The following BBX variants were observed in gnomAD, a reference collection of about 807,000 sequenced individuals.
BBX encodes the protein HMG box transcription factor BBX.
A neutral mutation model predicts 100.2 loss-of-function variants in BBX; 30 were observed. The ratio of observed to expected loss-of-function variants is 0.30; its 90% CI spans 0.22 to 0.41. The LOEUF (loss-of-function observed/expected upper bound fraction) is 0.41, where lower values mean the gene tolerates loss of function less well. Among genes scored for constraint, BBX ranks in the 10% least tolerant of loss-of-function variants. BBX has a pLI of 1.00. For synonymous variants in BBX, 376 were observed against 388.1 expected, an observed-to-expected ratio of 0.97 and a Z score of 0.37; for missense variants, 1,023 against 1,129.8, an observed-to-expected ratio of 0.91 and a Z score of 1.35.
chr3:107,652,554 T>G (rs985474847), intron 3 of BBX, among the ~76,000 whole-genome samples: 1 of 152,228 alleles, frequency 6.6e-6, no homozygotes, highest in Non-Finnish European at 1.5e-5. Flanking sequence ...ACCTGTGTAT[T>G]TCTTCTTAAC....
chr3:107,683,939 G>A (rs2059705066), intron 3 of BBX, among the ~76,000 whole-genome samples: 1 of 152,078 alleles, frequency 6.6e-6, no homozygotes, highest in Non-Finnish European at 1.5e-5. Context: ...TTGTGGTAAT[G>A]GTAACTTCTA....
intron 2 of BBX, among the ~76,000 whole-genome samples, chr3:107,530,327 A>G (rs766322852): frequency 7.9e-5 from 12 of 152,064 alleles, no homozygotes; most frequent in South Asian, 2.1e-4. Context: ...GGAGGTTTCA[A>G]TGAGCTGAGA....
At chr3:107,787,493 A>G (rs2068557853) in intron 13 of BBX, among the ~76,000 whole-genome samples, 1 of 152,188 alleles carries the variant, frequency 6.6e-6, no homozygotes, top group African/African-American at 2.4e-5. Flanking sequence ...GAGAGGGGGA[A>G]TACAGGTATA....
chr3:107,536,531 T>C (rs2048504900), intron 2 of BBX, among the ~76,000 whole-genome samples: 1 of 152,196 alleles, frequency 6.6e-6, no homozygotes, highest in Admixed American at 6.5e-5. Flanking sequence ...CTTTTGTTTG[T>C]TGTGTTTCAT....
chr3:107,735,961 T>G (rs1294939050), intron 7 of BBX, among the ~76,000 whole-genome samples: 2 of 152,062 alleles, frequency 1.3e-5, no homozygotes, highest in African/African-American at 2.4e-5. Flanking sequence ...TGGATGCGTT[T>G]TGATAGTTTG....
At chr3:107,780,007 G>A (rs958536019) in intron 13 of BBX, among the ~76,000 whole-genome samples, 1 of 152,130 alleles carries the variant, frequency 6.6e-6, no homozygotes. Context: ...CGCCAAGTTT[G>A]CTCGTCTGAG....
intron 3 of BBX, among the ~76,000 whole-genome samples, chr3:107,706,329 G>T (rs1432767547): frequency 6.6e-6 from 1 of 151,986 alleles, no homozygotes; most frequent in African/African-American, 2.4e-5. Flanking sequence ...GGTTTGGCTT[G>T]CTACATTTGA....
intron 2 of BBX, among the ~76,000 whole-genome samples, chr3:107,586,605 A>G (rs751363290): frequency 1.3e-5 from 2 of 152,224 alleles, no homozygotes; most frequent in African/African-American, 4.8e-5. Context: ...CCTAAAATGA[A>G]TGCTTAACTG....
chr3:107,778,284 AATAGAAT>A (rs2067491280), intron 12 of BBX, 80 bp from the exon 13 acceptor site: 1 of 1,514,466 alleles, frequency 6.6e-7, no homozygotes, highest in Non-Finnish European at 9.1e-7. Context: ...CCTGTTTTCA[AATAGAAT>A]ATCCTAAAAT....
Position 107,773,133 on chromosome 3 carries a change from A to G in BBX, c.1412A>G (p.Lys471Arg). 6.2e-7 allele frequency: 1 copy of G among 1,614,132 alleles called. No homozygotes were observed. The highest frequency in any genetic ancestry group is 8.5e-7 in the Non-Finnish European group (1 of 1,180,006). ...GGAAATGATAAATCCACACCCAAGA[A>G]GACTTGCAAAAAGAGGCAGTCTTCG... ...RHGNDKSTPKKTCKKRQSSES... is the reference protein window; with the variant it reads ...RHGNDKSTPKRTCKKRQSSES... Residue 471 changes from lysine to arginine, a missense_variant, in exon 11 of 18, where the codon AAG becomes AGG. By Grantham distance (26) the Lys-to-Arg change is conservative. Transcript: ENST00000325805. This position sits in a 1 kb window ranked among gnomAD's most constrained non-coding sequence, Gnocchi z 4.1.
chr3:107,726,105 G>A (rs1234473469), intron 5 of BBX, among the ~76,000 whole-genome samples: 3 of 151,950 alleles, frequency 2.0e-5, no homozygotes, highest in Non-Finnish European at 4.4e-5. Flanking sequence ...ATGCTAATAA[G>A]TTCACTCAGC....
chr3:107,677,173 A>C (rs1359809461), intron 3 of BBX, among the ~76,000 whole-genome samples: 1 of 152,140 alleles, frequency 6.6e-6, no homozygotes, highest in East Asian at 1.9e-4. Flanking sequence ...TAACATTGGG[A>C]AACTTGCTTT....
At chr3:107,629,159 A>G (rs2056391679) in intron 2 of BBX, among the ~76,000 whole-genome samples, 1 of 152,116 alleles carries the variant, frequency 6.6e-6, no homozygotes, top group African/African-American at 2.4e-5. Flanking sequence ...TTGAGTAGCT[A>G]AGTTCTCAGG....
intron 5 of BBX, among the ~76,000 whole-genome samples, chr3:107,727,581 G>C (rs561659192): frequency 6.6e-6 from 1 of 152,170 alleles, no homozygotes; most frequent in South Asian, 2.1e-4. Flanking sequence ...TAAAAAAATG[G>C]ATTATTCAGA....
chr3:107,801,690 G>A (rs2070496744), intron 17 of BBX, among the ~76,000 whole-genome samples: 1 of 152,020 alleles, frequency 6.6e-6, no homozygotes, highest in Non-Finnish European at 1.5e-5. Flanking sequence ...AGGGGCAGGT[G>A]GCACTCATTT....
At chr3:107,537,649 G>A (rs1270030971) in intron 2 of BBX, among the ~76,000 whole-genome samples, 2 of 152,142 alleles carry the variant, frequency 1.3e-5, no homozygotes, top group African/African-American at 2.4e-5. Flanking sequence ...GAGAACACCC[G>A]TGAGCTTGGT....
At position 107,805,553 on chromosome 3, in the gene BBX, A is replaced by G. The variant is rs754258942; in HGVS notation, c.*96A>G. The G allele has an allele frequency of 1.2e-6, 2 of 1,600,592 alleles. No individual in the cohort carries two copies. The highest frequency in any genetic ancestry group is 3.3e-4 in the Middle Eastern group (2 of 6,016). ...TGAGTCCAAGTGGTGGAAAATATAG[A>G]CTGCAAACAAGTGCTTGTTGCCCCA... On this transcript the variant is annotated 3_prime_UTR_variant, in exon 18 of 18. Coordinates refer to ENST00000325805, the MANE Select transcript of BBX (RefSeq NM_001142568.3).
chr3:107,656,808 A>G (rs1157549275), intron 3 of BBX, among the ~76,000 whole-genome samples: 1 of 152,230 alleles, frequency 6.6e-6, no homozygotes, highest in East Asian at 1.9e-4. Context: ...ATATAAGGCA[A>G]TGTCTAGGCA....
chr3:107,792,534 A>G (rs953986804), intron 15 of BBX, among the ~76,000 whole-genome samples: 10 of 152,222 alleles, frequency 6.6e-5, no homozygotes, highest in Non-Finnish European at 1.3e-4. Flanking sequence ...AGTAGGCATC[A>G]TTTACATGAG....
Sources: gnomAD v4.1 joint callset for allele counts (sites outside exome capture counted in the v4.1 genomes callset) on GRCh38, gnomAD v4.1.1 for gene constraint, Gnocchi (gnomAD v3.1) non-coding constraint, MANE v1.5 for transcripts, NCBI Gene and HGNC (gene_info 2026-07-23, HGNC 2026-07-21) for gene names.